ANK2: variants seen among roughly 807,000 people sequenced by gnomAD.
The protein encoded by ANK2 is ankyrin 2, also known as ankyrin-2.
Under a neutral mutation model 360.5 loss-of-function variants are expected in ANK2, and 83 were observed. That is an observed-to-expected ratio of 0.23 (90% CI 0.19 to 0.28). ANK2 has a LOEUF of 0.28. Ranked by LOEUF, ANK2 falls within the 10% of genes least tolerant of loss-of-function variation. ANK2 has a pLI of 1.00. For synonymous variants in ANK2, 1,740 were observed against 1,759.5 expected (o/e 0.99, Z 0.28); for missense variants, 4,201 against 4,795.7 (o/e 0.88, Z 3.66).
At chr4:112,871,096 T>G (rs2072826058) in intron 1 of ANK2, among the ~76,000 whole-genome samples, 1 of 152,182 alleles carries the variant, frequency 6.6e-6, no homozygotes, top group Admixed American at 6.5e-5. Context: ...AATTTCCATT[T>G]TGGGTTGTTT....
intron 2 of ANK2, among the ~76,000 whole-genome samples, chr4:112,985,915 C>A (rs749647580): frequency 9.2e-5 from 14 of 151,614 alleles, no homozygotes; most frequent in Non-Finnish European, 1.8e-4. Context: ...GCACCAAAAT[C>A]TCAGAAATCA....
chr4:112,856,685 GC>G (rs1560811324), intron 1 of ANK2, among the ~76,000 whole-genome samples: 1 of 152,196 alleles, frequency 6.6e-6, no homozygotes, highest in Non-Finnish European at 1.5e-5. Flanking sequence ...CCAAGATCAC[GC>G]CACTGCACTC....
At chr4:112,718,240 A>T in the ANK2 span, among the ~76,000 whole-genome samples, 1 of 152,264 alleles carries the variant, frequency 6.6e-6, no homozygotes, top group African/African-American at 2.4e-5. Flanking sequence ...GAGGTTAAAG[A>T]AACCCAGTTG....
At chr4:112,713,470 G>A in the ANK2 span, among the ~76,000 whole-genome samples, 26 of 152,180 alleles carry the variant, frequency 1.7e-4, no homozygotes, top group Non-Finnish European at 5.9e-5. Context: ...TCGGGAAGCA[G>A]AGGCAGGAGA....
At chr4:112,729,190 C>A in the ANK2 span, among the ~76,000 whole-genome samples, 15 of 143,828 alleles carry the variant, frequency 1.0e-4, no homozygotes, top group Non-Finnish European at 1.2e-4. Context: ...AAAGGGAGAT[C>A]TCTCTCAAAA....
intron 32 of ANK2, among the ~76,000 whole-genome samples, chr4:113,340,866 A>T (rs1457351981): frequency 6.7e-6 from 1 of 149,106 alleles, no homozygotes; most frequent in Non-Finnish European, 1.5e-5. Flanking sequence ...AAAAAAAGAA[A>T]AACAAACAAA....
At chr4:113,172,411 A>G (rs1434380306) in intron 1 of ANK2, among the ~76,000 whole-genome samples, 1 of 152,258 alleles carries the variant, frequency 6.6e-6, no homozygotes, top group Non-Finnish European at 1.5e-5. Context: ...ACTGATAAAC[A>G]TAAATTAAAT....
At chr4:112,971,407 T>C (rs1339964503) in intron 2 of ANK2, among the ~76,000 whole-genome samples, 3 of 152,228 alleles carry the variant, frequency 2.0e-5, no homozygotes. Context: ...TACCTAGTAA[T>C]CTCATTTGCC....
intron 1 of ANK2, among the ~76,000 whole-genome samples, chr4:112,863,224 G>A (rs943886402): frequency 2.0e-5 from 3 of 151,836 alleles, no homozygotes; most frequent in South Asian, 2.1e-4. Flanking sequence ...AGTTATAGTC[G>A]GTGTGATTAT....
the ANK2 span, among the ~76,000 whole-genome samples, chr4:112,769,912 G>C: frequency 6.6e-6 from 1 of 152,184 alleles, no homozygotes; most frequent in African/African-American, 2.4e-5. Context: ...CTGGTTCTCA[G>C]GCCTTTGGGC....
chr4:113,287,557 T>C lies in ANK2; in HGVS notation c.2080-48T>C, dbSNP rs772415000. ...TTTCATAATATTATAGATGATGCAA[T>C]GTATTTTCTTCTTCAACTGTATCCC... On this transcript the variant is annotated intron_variant, in intron 18 of 45. Coordinates refer to ENST00000357077, the MANE Select transcript of ANK2 (RefSeq NM_001148.6). The C allele has an allele frequency of 6.9e-6, 9 of 1,307,410 alleles. 1 individual carries two copies. Among genetic ancestry groups the C allele is most frequent in the East Asian group, 4.6e-5 (2 of 43,134 alleles). 81.0% of individuals were successfully genotyped at this position (1,307,410 alleles called of 1,614,324 possible). A position where few individuals can be genotyped will look rare whatever the true frequency, so the allele number is the denominator to read the frequency against.
chr4:113,292,821 C>T (rs889053662), intron 21 of ANK2, among the ~76,000 whole-genome samples: 1 of 152,120 alleles, frequency 6.6e-6, no homozygotes, highest in African/African-American at 2.4e-5. Flanking sequence ...CAAATTGACC[C>T]CCCCTCGCCT....
At chr4:113,221,042 T>C (rs2099144885) in intron 4 of ANK2, among the ~76,000 whole-genome samples, 3 of 152,134 alleles carry the variant, frequency 2.0e-5, no homozygotes, top group South Asian at 4.1e-4. Context: ...CTAAATTATA[T>C]GGAATAGACT....
intron 2 of ANK2, among the ~76,000 whole-genome samples, chr4:112,993,259 G>A (rs1426055705): frequency 6.6e-6 from 1 of 152,048 alleles, no homozygotes. Flanking sequence ...TCCAGGCTGG[G>A]TGACAGAGCA....
In ANK2 at chr4:113,345,081, G is replaced by A. The variant is rs537500739; in HGVS notation, c.4249-819G>A. Among the ~76,000 whole-genome samples, 121 of 152,148 alleles carry A rather than the reference G, an allele frequency of 8.0e-4. 1 individual carries two copies. The highest frequency in any genetic ancestry group is 2.7e-3 in the African/African-American group (113 of 41,512). The stretch of plus-strand genomic sequence containing the variant: ...ATCATTTTTATGATTAAAATGATAC[G>A]TTTTATGTTACATATATTTATCACA... On this transcript the variant is annotated intron_variant, in intron 34 of 45. Transcript: ENST00000357077.
chr4:112,984,497 T>G (rs1052067325), intron 2 of ANK2, among the ~76,000 whole-genome samples: 1 of 152,118 alleles, frequency 6.6e-6, no homozygotes, highest in Non-Finnish European at 1.5e-5. Flanking sequence ...GGGAAAGACC[T>G]GCCCCCATGA....
At chr4:112,877,956 A>G (rs796382454) in intron 1 of ANK2, among the ~76,000 whole-genome samples, 2 of 152,300 alleles carry the variant, frequency 1.3e-5, no homozygotes, top group South Asian at 2.1e-4. Context: ...TTAAAAAATT[A>G]CTTGTTGAAT....
the ANK2 span, among the ~76,000 whole-genome samples, chr4:112,786,393 ATT>A: frequency 2.2e-5 from 3 of 134,458 alleles, no homozygotes; most frequent in Admixed American, 7.6e-5. Context: ...AACCACCAGA[ATT>A]TTTTTTTTTT....
At chr4:113,218,979 A>G (rs906979466) in intron 4 of ANK2, among the ~76,000 whole-genome samples, 1 of 152,154 alleles carries the variant, frequency 6.6e-6, no homozygotes, top group Non-Finnish European at 1.5e-5. Flanking sequence ...AGCACCCTAT[A>G]GCGATTGTTA....
Sources: allele counts gnomAD v4.1 joint callset (sites outside exome capture counted in the v4.1 genomes callset), GRCh38; gene constraint gnomAD v4.1.1; transcripts MANE v1.5; gene names NCBI Gene and HGNC (gene_info 2026-07-23, HGNC 2026-07-21).